Variants in CAST observed in about 807,000 individuals in gnomAD.
CAST encodes the protein MIR583 host.
Under a neutral mutation model 119.6 loss-of-function variants are expected in CAST, and 76 were observed. The ratio of observed to expected loss-of-function variants is 0.64; its 90% confidence interval spans 0.53 to 0.77. The LOEUF is 0.77. CAST is among the 30% of genes least tolerant of loss of function. The probability of loss-of-function intolerance (pLI) is 0.00; values close to 1 mark genes in which losing one functional copy is unlikely to be tolerated. For missense variants in CAST, 953 were observed against 946.5 expected (o/e 1.01, Z -0.09); for synonymous variants, 319 against 331.6 (o/e 0.96, Z 0.41).
chr5:96,419,328 A>AT, the CAST span, among the ~76,000 whole-genome samples: 140 of 142,306 alleles, frequency 9.8e-4, 1 homozygote, highest in Middle Eastern at 3.6e-3. Context: ...TATATATATA[A>AT]AACCTCACTT....
chr5:96,584,267 C>T (rs1226582120), intron 1 of CAST, among the ~76,000 whole-genome samples: 3 of 152,200 alleles, frequency 2.0e-5, no homozygotes, highest in Admixed American at 6.5e-5. Flanking sequence ...GAGAACCTAA[C>T]GCCGATGATG....
At chr5:96,309,005 T>C in the CAST span, 134,051 of 152,318 alleles carry the variant, frequency 0.88, 59,213 homozygotes, top group Non-Finnish European at 0.92. Context: ...GTCCACTGCT[T>C]TCTTCAGAGC....
chr5:96,353,382 C>T, the CAST span, among the ~76,000 whole-genome samples: 3 of 152,184 alleles, frequency 2.0e-5, no homozygotes, highest in Non-Finnish European at 4.4e-5. Flanking sequence ...TAACTGCACT[C>T]TTGATTTCCT....
intron 1 of CAST, among the ~76,000 whole-genome samples, chr5:96,610,745 A>G (rs75071129): frequency 0.022 from 3,347 of 152,268 alleles, 132 homozygotes; most frequent in African/African-American, 0.069. Flanking sequence ...GTTAATTGAC[A>G]ATATGATTCT....
the CAST span, among the ~76,000 whole-genome samples, chr5:96,407,140 A>G: frequency 1.3e-5 from 2 of 152,236 alleles, no homozygotes; most frequent in African/African-American, 4.8e-5. Flanking sequence ...TTCTGAGCAT[A>G]AAAGCAAAGG....
At chr5:96,561,789 TTTTTTTG>T (rs1561417149) in intron 1 of CAST, among the ~76,000 whole-genome samples, 1 of 69,232 alleles carries the variant, frequency 1.4e-5, no homozygotes. Flanking sequence ...TATATATGTT[TTTTTTTG>T]TTTTTTTTTT....
intron 2 of CAST, among the ~76,000 whole-genome samples, chr5:96,678,066 A>G (rs529470216): frequency 1.3e-5 from 2 of 152,196 alleles, no homozygotes; most frequent in African/African-American, 2.4e-5. Context: ...CTTGATGTTC[A>G]TGATTATAAA....
At chr5:96,301,475 C>T in the CAST span, among the ~76,000 whole-genome samples, 2 of 152,112 alleles carry the variant, frequency 1.3e-5, no homozygotes, top group Non-Finnish European at 2.9e-5. Flanking sequence ...CATTATTAAC[C>T]CAAAAGTCCA....
the CAST span, among the ~76,000 whole-genome samples, chr5:96,339,289 G>C: frequency 1.3e-5 from 2 of 152,094 alleles, no homozygotes; most frequent in African/African-American, 2.4e-5. Flanking sequence ...TCTTCTTGGT[G>C]CATCTATAAA....
chr5:96,172,496 C>T, the CAST span, among the ~76,000 whole-genome samples: 1 of 152,126 alleles, frequency 6.6e-6, no homozygotes, highest in Non-Finnish European at 1.5e-5. Context: ...TGGTATATGG[C>T]AATATGCAAT....
At chr5:96,142,801 C>T in the CAST span, among the ~76,000 whole-genome samples, 1 of 152,176 alleles carries the variant, frequency 6.6e-6, no homozygotes, top group African/African-American at 2.4e-5. Context: ...GGCTTGGCAG[C>T]TTCCCATTCC....
At chr5:96,023,215 A>G in the CAST span, among the ~76,000 whole-genome samples, 1 of 152,210 alleles carries the variant, frequency 6.6e-6, no homozygotes, top group Non-Finnish European at 1.5e-5. Flanking sequence ...GTTGTGCTCC[A>G]GATATGCTAG....
chr5:96,029,936 ACT>A, the CAST span, among the ~76,000 whole-genome samples: 1 of 152,118 alleles, frequency 6.6e-6, no homozygotes, highest in Non-Finnish European at 1.5e-5. Context: ...AATTAATAAA[ACT>A]CTGTAATAAT....
chr5:96,693,854 C>T (rs1211671028), intron 2 of CAST, among the ~76,000 whole-genome samples: 1 of 152,170 alleles, frequency 6.6e-6, no homozygotes, highest in Non-Finnish European at 1.5e-5. Context: ...TTGTTTTTAT[C>T]ACATTTATCT....
the CAST span, among the ~76,000 whole-genome samples, chr5:96,002,130 G>A: frequency 1.3e-5 from 2 of 152,306 alleles, no homozygotes; most frequent in Non-Finnish European, 2.9e-5. Context: ...GTACCATTTA[G>A]GAGCAACCAT....
the CAST span, among the ~76,000 whole-genome samples, chr5:96,516,263 T>C: frequency 6.6e-6 from 1 of 152,094 alleles, no homozygotes; most frequent in African/African-American, 2.4e-5. Context: ...TGCTGTGAAC[T>C]GAAATGGAAA....
the CAST span, among the ~76,000 whole-genome samples, chr5:96,344,409 A>C: frequency 2.0e-5 from 3 of 152,208 alleles, no homozygotes; most frequent in African/African-American, 4.8e-5. Flanking sequence ...TGGTAATCTC[A>C]TTACCTCTCC....
chr5:96,773,170 T>C lies in CAST; in HGVS notation c.*554T>C, dbSNP rs79077458. Reference sequence around the variant, plus strand: ...CATAAGATATTGTACATTGGGCACATATCTCCTCTTGGGCTGCTAATAATA... The same window carrying C: ...CATAAGATATTGTACATTGGGCACACATCTCCTCTTGGGCTGCTAATAATA... On this transcript the variant is annotated 3_prime_UTR_variant, in exon 32 of 32. Transcript: ENST00000675179. 9 of 153,964 alleles carry C rather than the reference T, an allele frequency of 5.8e-5. No individual in the cohort carries two copies. In the East Asian group the frequency reaches 1.5e-3, roughly 26 times the overall value. 9.5% of individuals were successfully genotyped at this position (153,964 alleles called of 1,614,324 possible).
Position 96,747,361 on chromosome 5 carries a change from C to T in CAST, c.1301C>T (p.Pro434Leu). Residue 434 changes from proline to leucine, a missense_variant, in exon 18 of 32, where the codon CCA (proline) becomes CTA (leucine). Pro to Leu is a moderately conservative substitution (Grantham distance 98). Coordinates refer to ENST00000675179, the MANE Select transcript of CAST (RefSeq NM_001750.7). ...CATTTACAGGATAAAGATGGAAAAC[C>T]ACTATTGCCAGAGCCTGAAGAAAAA... is the stretch of plus-strand genomic sequence containing the variant. ...LKPATDKDGKPLLPEPEEKPK... is the reference protein window; with the variant it reads ...LKPATDKDGKLLLPEPEEKPK... 6.3e-7 allele frequency: 1 copy of T among 1,598,922 alleles called. No homozygotes were observed. Among genetic ancestry groups the T allele is most frequent in the Non-Finnish European group, 8.6e-7 (1 of 1,167,428 alleles).
Sources: gnomAD v4.1 joint callset for allele counts (sites outside exome capture counted in the v4.1 genomes callset) on GRCh38, gnomAD v4.1.1 for gene constraint, MANE v1.5 for transcripts, NCBI Gene and HGNC (gene_info 2026-07-23, HGNC 2026-07-21) for gene names.